The following DNAH7 variants were observed in gnomAD, a reference collection of about 807,000 sequenced individuals.
The protein encoded by DNAH7 is dynein axonemal heavy chain 7.
DNAH7 carries 397 observed loss-of-function variants against 444.6 expected under a neutral mutation model. That is an observed-to-expected ratio of 0.89 (90% confidence interval 0.82 to 0.97). The LOEUF (loss-of-function observed/expected upper bound fraction) is 0.97. Among genes scored for constraint, DNAH7 ranks in the 50% least tolerant of loss-of-function variants. The pLI is 0.00. For synonymous variants in DNAH7, 1,636 were observed against 1,624.4 expected, an observed-to-expected ratio of 1.01 and a Z score of -0.17; for missense variants, 4,902 against 4,800.8, an observed-to-expected ratio of 1.02 and a Z score of -0.62.
At chr2:195,817,073 C>A in intron 50 of DNAH7, 110 bp from the exon 51 acceptor site, 1 of 776,310 alleles carries the variant, frequency 1.3e-6, no homozygotes, top group South Asian at 2.0e-5. Flanking sequence ...AAATGCATCA[C>A]TTTGTGACAA....
chr2:195,779,818 C>G (rs1574420583), intron 58 of DNAH7, among the ~76,000 whole-genome samples: 2 of 152,206 alleles, frequency 1.3e-5, no homozygotes, highest in Admixed American at 1.3e-4. Context: ...GTTGCCCAGG[C>G]TGGCCTCGAA....
chr2:195,992,724 G>A (rs929457442), intron 12 of DNAH7, among the ~76,000 whole-genome samples: 1 of 152,178 alleles, frequency 6.6e-6, no homozygotes, highest in Non-Finnish European at 1.5e-5. Flanking sequence ...TTCCCAGTGG[G>A]AGATGGCCAT....
rs372756071 is a variant in DNAH7, at chr2:195,795,904, T to A, written c.10515+672A>T. 1.4e-4 allele frequency: 21 copies of A among 152,348 alleles called. No individual in the cohort carries two copies. In the East Asian group the frequency reaches 3.5e-3, roughly 25 times the overall value. The allele number at this position is 152,348 out of a possible 1,614,324, so 9.4% of individuals were successfully genotyped here. A position where few individuals can be genotyped will look rare whatever the true frequency, so the allele number is the denominator to read the frequency against. ...TGGGTGGATGGTGCAAGTTCTATCA[T>A]CACCATGGTTATTTAGAAGGGAGTT... On this transcript the variant is annotated intron_variant, in intron 56 of 64. Coordinates refer to ENST00000312428, the MANE Select transcript of DNAH7 (RefSeq NM_018897.3).
intron 5 of DNAH7, among the ~76,000 whole-genome samples, chr2:196,041,327 G>A (rs1696745572): frequency 6.6e-6 from 1 of 152,036 alleles, no homozygotes; most frequent in East Asian, 1.9e-4. Context: ...CAAAGCTATA[G>A]TAACCAAAAC....
intron 25 of DNAH7, 49 bp from the exon 26 acceptor site, chr2:195,907,058 T>G: frequency 7.3e-7 from 1 of 1,377,368 alleles, no homozygotes; most frequent in South Asian, 1.2e-5. Flanking sequence ...GATTCAATGT[T>G]GCAATGAAAT....
At chr2:195,750,504 T>G (rs1693732193) in intron 63 of DNAH7, among the ~76,000 whole-genome samples, 1 of 152,182 alleles carries the variant, frequency 6.6e-6, no homozygotes, top group African/African-American at 2.4e-5. Flanking sequence ...ATTAAATACT[T>G]AAGAATTAAC....
At chr2:195,976,416 T>C (rs1692187451) in intron 15 of DNAH7, among the ~76,000 whole-genome samples, 1 of 151,876 alleles carries the variant, frequency 6.6e-6, no homozygotes, top group South Asian at 2.1e-4. Context: ...TAGAGTAGAG[T>C]ACCACATAGA....
chr2:195,775,857 G>A lies in DNAH7; in HGVS notation c.11191C>T (p.Leu3731Phe), dbSNP rs1361875826. The A allele has an allele frequency of 1.9e-6, 3 of 1,613,952 alleles. No homozygotes were observed. The highest frequency in any genetic ancestry group is 2.5e-6 in the Non-Finnish European group (3 of 1,179,972). ...TACAGATCACACACCTGTGTAAGAA[G>A]AATGTTATCAAATAGCAGCTGAGTT... Reference protein sequence around the residue: ...SETQLLFDNILLTQSRSAGAG... With the variant: ...SETQLLFDNIFLTQSRSAGAG... Residue 3731 changes from leucine to phenylalanine, a missense_variant, in exon 60 of 65, where the codon CTT becomes TTT. Physicochemically the swap from Leu to Phe is conservative, Grantham distance 22. Coordinates refer to ENST00000312428, the MANE Select transcript of DNAH7 (RefSeq NM_018897.3).
chr2:195,762,808 TCAGA>T (rs1274553775), intron 61 of DNAH7, among the ~76,000 whole-genome samples: 2 of 152,090 alleles, frequency 1.3e-5, no homozygotes, highest in African/African-American at 4.8e-5. Context: ...ACTTTCAGCA[TCAGA>T]CAGACCATCC....
intron 39 of DNAH7, among the ~76,000 whole-genome samples, chr2:195,872,913 T>TA (rs1248537934): frequency 6.6e-5 from 10 of 151,038 alleles, no homozygotes; most frequent in East Asian, 5.8e-4. Flanking sequence ...TTAAAATACG[T>TA]AAAAAAAATA....
chr2:195,757,028 A>G (rs1045963738), intron 61 of DNAH7, among the ~76,000 whole-genome samples: 3 of 151,946 alleles, frequency 2.0e-5, no homozygotes, highest in Admixed American at 6.6e-5. Context: ...GGGTCTTACT[A>G]TATTGCCCAT....
At chr2:196,003,020 A>C (rs1489102643) in intron 10 of DNAH7, among the ~76,000 whole-genome samples, 1 of 152,064 alleles carries the variant, frequency 6.6e-6, no homozygotes, top group African/African-American at 2.4e-5. Context: ...AAAAGAAAAA[A>C]AAAAAAGATG....
intron 12 of DNAH7, chr2:195,995,305 G>A: frequency 2.0e-6 from 1 of 489,342 alleles, no homozygotes; most frequent in Non-Finnish European, 4.0e-6. Context: ...ACTTTTAGCA[G>A]TTTTTCTGCC....
chr2:195,966,227 C>T (rs1691466424), intron 17 of DNAH7, among the ~76,000 whole-genome samples: 2 of 152,132 alleles, frequency 1.3e-5, no homozygotes, highest in South Asian at 4.1e-4. Context: ...CATTCAGGAG[C>T]ACATTGCTTA....
chr2:195,966,788 G>A (rs1402020150), intron 17 of DNAH7, among the ~76,000 whole-genome samples: 1 of 151,912 alleles, frequency 6.6e-6, no homozygotes, highest in Non-Finnish European at 1.5e-5. Context: ...GTTCCCATTG[G>A]CATGGAATAT....
Position 195,756,160 on chromosome 2 carries a change from G to C in DNAH7, c.11559C>G (p.Asp3853Glu), listed in dbSNP as rs1387190345. The change falls in exon 62 of 65, where the codon GAC (aspartate) becomes GAG (glutamate). Residue 3853 changes from aspartate (D) to glutamate (E), a missense_variant. Asp to Glu is a conservative substitution (Grantham distance 45, BLOSUM62 2). Transcript: ENST00000312428. Reference protein sequence around the residue: ...SLKPLGSYVNDFLARLKFLQQ... With the variant: ...SLKPLGSYVNEFLARLKFLQQ... ...GCAAGAATTTTAGTCTTGCAAGGAAGTCATTCACATAGCTGCCAAGTGGTT... is the reference window on the plus strand; with the variant it reads ...GCAAGAATTTTAGTCTTGCAAGGAACTCATTCACATAGCTGCCAAGTGGTT... 1.2e-6 allele frequency: 2 copies of C among 1,606,354 alleles called. No homozygotes were observed. The highest frequency in any genetic ancestry group is 1.7e-6 in the Non-Finnish European group (2 of 1,175,180).
rs780847099 is a variant in DNAH7 at position 195,740,470 on chromosome 2, A to C, written c.11868+296T>G. ...ATCAGCTAACAAAAATGTTGTGACC[A>C]AAGAAAGAACCCTGTATTTATTTCC... On this transcript the variant is annotated intron_variant, in intron 64 of 64. Transcript: ENST00000312428. Among the ~76,000 whole-genome samples, 86 of 152,144 alleles carry C rather than the reference A, an allele frequency of 5.7e-4. 1 individual carries two copies. Among genetic ancestry groups the C allele is most frequent in the South Asian group, 3.3e-3 (16 of 4,820 alleles).
chr2:195,785,533 A>G (rs988059497), intron 58 of DNAH7, among the ~76,000 whole-genome samples: 2 of 139,266 alleles, frequency 1.4e-5, no homozygotes, highest in Non-Finnish European at 3.1e-5. Flanking sequence ...GGTTTTTTGT[A>G]TGTTTGTTTA....
chr2:195,900,036 A>G (rs1036874774), intron 28 of DNAH7, among the ~76,000 whole-genome samples: 19 of 152,166 alleles, frequency 1.2e-4, no homozygotes, highest in Admixed American at 1.1e-3. Context: ...GGAGTAAGCA[A>G]TTTTATTCCT....
Sources: allele counts gnomAD v4.1 joint callset (sites outside exome capture counted in the v4.1 genomes callset), GRCh38; gene constraint gnomAD v4.1.1; transcripts MANE v1.5; gene names NCBI Gene and HGNC (gene_info 2026-07-23, HGNC 2026-07-21).